The following CDK14 variants were observed in gnomAD, a reference collection of about 807,000 sequenced individuals.
CDK14 encodes cyclin-dependent kinase 14.
Under a neutral mutation model 60.7 loss-of-function variants are expected in CDK14, and 34 were observed. The ratio of observed to expected loss-of-function variants is 0.56; its 90% CI spans 0.43 to 0.75. The LOEUF is 0.75. Among genes scored for constraint, CDK14 ranks in the 30% least tolerant of loss-of-function variants. The pLI is 0.00. For synonymous variants in CDK14, 197 were observed against 203.7 expected (o/e 0.97, Z 0.28); for missense variants, 482 against 564.1 (o/e 0.85, Z 1.47).
Position 90,726,405 on chromosome 7 carries a change from T to A in CDK14, c.124-162T>A, listed in dbSNP as rs780078050. On this transcript the variant is annotated intron_variant, in intron 2 of 14. Coordinates refer to ENST00000380050, the MANE Select transcript of CDK14 (RefSeq NM_001287135.2). ...GTGTAAACACAATGATTGTGAGGAT[T>A]TTTTTGTACTGTAATTTATGCTGAT... 185 of 1,250,050 alleles carry A rather than the reference T, an allele frequency of 1.5e-4. 1 individual carries two copies. In the Middle Eastern group the frequency reaches 6.2e-3, roughly 42 times the overall value. 77.4% of individuals were successfully genotyped at this position (1,250,050 alleles called of 1,614,324 possible).
intron 2 of CDK14, among the ~76,000 whole-genome samples, chr7:90,611,569 A>G (rs748068275): frequency 8.5e-5 from 13 of 152,106 alleles, no homozygotes; most frequent in Non-Finnish European, 1.0e-4. Flanking sequence ...CCTTGCTGTC[A>G]TATCCATTCT....
chr7:90,670,104 C>T (rs1201884470), intron 2 of CDK14, among the ~76,000 whole-genome samples: 2 of 152,202 alleles, frequency 1.3e-5, no homozygotes, highest in Admixed American at 1.3e-4. Flanking sequence ...ATTGGTATGA[C>T]TATACCATGG....
intron 6 of CDK14, among the ~76,000 whole-genome samples, chr7:90,871,611 CTTAT>C (rs2117249274): frequency 6.6e-6 from 1 of 152,212 alleles, no homozygotes. Flanking sequence ...TAATGAGCAC[CTTAT>C]TGCTAAAAGC....
chr7:90,702,076 G>A (rs1035125781), intron 2 of CDK14, among the ~76,000 whole-genome samples: 1 of 152,142 alleles, frequency 6.6e-6, no homozygotes, highest in Non-Finnish European at 1.5e-5. Context: ...TCCTGGATAA[G>A]GTGCAGCCCT....
In CDK14 at chr7:91,152,922, G is replaced by A. The variant is rs57774295; in HGVS notation, c.*28+34714G>A. 7.9e-3 allele frequency among the ~76,000 whole-genome samples: 1,202 copies of A among 152,304 alleles called. 18 individuals are homozygous for A. Among genetic ancestry groups the A allele is most frequent in the African/African-American group, 0.026 (1,067 of 41,552 alleles). ...AGGTTGAGTACCATTTTCCATGTAT[G>A]TCAAGAACAGAAAGAAGCCCCAAAT... On this transcript the variant is annotated intron_variant, in intron 14 of 14. Coordinates refer to ENST00000380050, the MANE Select transcript of CDK14 (RefSeq NM_001287135.2).
intron 8 of CDK14, among the ~76,000 whole-genome samples, chr7:90,926,148 G>A (rs1793408787): frequency 6.6e-6 from 1 of 152,132 alleles, no homozygotes. Flanking sequence ...GTTGGCACAT[G>A]CATGGCTAGT....
intron 14 of CDK14, among the ~76,000 whole-genome samples, chr7:91,158,284 C>G (rs1801052612): frequency 6.6e-6 from 1 of 151,796 alleles, no homozygotes; most frequent in Non-Finnish European, 1.5e-5. Flanking sequence ...GCAATCTTGA[C>G]TCACTGCAGT....
intron 9 of CDK14, among the ~76,000 whole-genome samples, chr7:90,957,836 G>A (rs917513492): frequency 6.6e-6 from 1 of 151,824 alleles, no homozygotes; most frequent in African/African-American, 2.4e-5. Context: ...TTTCTTCACA[G>A]AATTGGAAAA....
chr7:91,128,580 C>G (rs142978265), intron 14 of CDK14, among the ~76,000 whole-genome samples: 1 of 152,120 alleles, frequency 6.6e-6, no homozygotes, highest in East Asian at 1.9e-4. Flanking sequence ...ATAAACAAAC[C>G]ACTTTGAGGG....
intron 2 of CDK14, among the ~76,000 whole-genome samples, chr7:90,627,488 C>T (rs1167471000): frequency 6.6e-6 from 1 of 152,182 alleles, no homozygotes; most frequent in East Asian, 1.9e-4. Flanking sequence ...GCTGGGATTA[C>T]AGGCATGAGC....
At chr7:90,768,970 T>C (rs1804677281) in intron 4 of CDK14, among the ~76,000 whole-genome samples, 1 of 152,224 alleles carries the variant, frequency 6.6e-6, no homozygotes, top group Non-Finnish European at 1.5e-5. Flanking sequence ...CAGGCTTTTT[T>C]GAACAAAAGA....
chr7:90,855,056 A>C (rs969732268), intron 5 of CDK14, among the ~76,000 whole-genome samples: 2 of 152,236 alleles, frequency 1.3e-5, no homozygotes, highest in African/African-American at 4.8e-5. Flanking sequence ...ATGGAACAGC[A>C]GAAGAGGGTC....
At chr7:90,612,614 A>G (rs1452203088) in intron 2 of CDK14, among the ~76,000 whole-genome samples, 1 of 152,002 alleles carries the variant, frequency 6.6e-6, no homozygotes, top group Non-Finnish European at 1.5e-5. Flanking sequence ...TCTACCAAAA[A>G]TATAAAAATT....
intron 10 of CDK14, among the ~76,000 whole-genome samples, chr7:91,016,552 C>G (rs1380927836): frequency 6.6e-6 from 1 of 152,194 alleles, no homozygotes; most frequent in Non-Finnish European, 1.5e-5. Context: ...ACTACCCCTC[C>G]TCAGCCCACC....
intron 5 of CDK14, among the ~76,000 whole-genome samples, chr7:90,843,183 C>G (rs1790355724): frequency 1.3e-5 from 2 of 152,098 alleles, no homozygotes; most frequent in South Asian, 4.1e-4. Flanking sequence ...AAATTTTGCA[C>G]CCAATACTGC....
chr7:90,997,338 C>T (rs1189974126), intron 10 of CDK14, among the ~76,000 whole-genome samples: 1 of 152,188 alleles, frequency 6.6e-6, no homozygotes, highest in Admixed American at 6.5e-5. Context: ...AGGCCAAGGA[C>T]ATTTCTTGAA....
chr7:91,051,352 T>A (rs1388909325), intron 11 of CDK14, among the ~76,000 whole-genome samples: 1 of 152,220 alleles, frequency 6.6e-6, no homozygotes, highest in Admixed American at 6.5e-5. Flanking sequence ...AGCTGCTATT[T>A]TTCCATCATT....
At chr7:90,643,177 G>A (rs780686058) in intron 2 of CDK14, among the ~76,000 whole-genome samples, 2 of 152,210 alleles carry the variant, frequency 1.3e-5, no homozygotes, top group Non-Finnish European at 2.9e-5. Context: ...CAAAGAGAGG[G>A]CATTCCTGGT....
chr7:90,739,841 T>C (rs753887013), intron 3 of CDK14, among the ~76,000 whole-genome samples: 1 of 152,212 alleles, frequency 6.6e-6, no homozygotes, highest in Non-Finnish European at 1.5e-5. Flanking sequence ...AAGTTTAATA[T>C]AGGTTTTTAA....
Sources: gnomAD v4.1 joint callset for allele counts (sites outside exome capture counted in the v4.1 genomes callset) on GRCh38, gnomAD v4.1.1 for gene constraint, MANE v1.5 for transcripts, NCBI Gene and HGNC (gene_info 2026-07-23, HGNC 2026-07-21) for gene names.